Variants in KCNH5 observed in about 807,000 individuals in gnomAD.
KCNH5 encodes potassium voltage-gated channel subfamily H member 5.
KCNH5 carries 46 observed loss-of-function variants against 96.1 expected under a neutral mutation model. That is an observed-to-expected ratio of 0.48 (90% CI 0.38 to 0.61). The LOEUF is 0.61. Ranked by LOEUF, KCNH5 falls within the 20% of genes least tolerant of loss-of-function variation. The pLI, the probability that KCNH5 is intolerant of heterozygous loss-of-function variation, is 0.00. For missense variants in KCNH5, 907 were observed against 1,225.8 expected, an observed-to-expected ratio of 0.74 and a Z score of 3.88; for synonymous variants, 439 against 449.8, an observed-to-expected ratio of 0.98 and a Z score of 0.30.
At chr14:62,827,024 G>T (rs1355502196) in intron 8 of KCNH5, among the ~76,000 whole-genome samples, 1 of 151,922 alleles carries the variant, frequency 6.6e-6, no homozygotes, top group Non-Finnish European at 1.5e-5. Flanking sequence ...TAACTTACAA[G>T]GTGCCCACAC....
chr14:62,843,892 G>A (rs545185057), intron 8 of KCNH5, among the ~76,000 whole-genome samples: 29 of 151,830 alleles, frequency 1.9e-4, no homozygotes, highest in Middle Eastern at 3.4e-3. Context: ...CTAGTAATAC[G>A]ATGAAATATT....
chr14:62,804,932 G>T (rs1283801080), intron 8 of KCNH5, among the ~76,000 whole-genome samples: 1 of 152,114 alleles, frequency 6.6e-6, no homozygotes, highest in Non-Finnish European at 1.5e-5. Context: ...TTTCCACTCT[G>T]TCTGCAGTCT....
intron 8 of KCNH5, among the ~76,000 whole-genome samples, chr14:62,825,698 T>C (rs1163878764): frequency 6.6e-6 from 1 of 152,136 alleles, no homozygotes; most frequent in Non-Finnish European, 1.5e-5. Context: ...TATTTCCAGA[T>C]GGAAAGGTTT....
chr14:62,856,160 C>A (rs1449656876), intron 7 of KCNH5, among the ~76,000 whole-genome samples: 2 of 152,088 alleles, frequency 1.3e-5, no homozygotes, highest in Non-Finnish European at 2.9e-5. Flanking sequence ...TTAACTGTAA[C>A]CTGGCCTTCA....
chr14:63,036,476 G>C (rs775713086), intron 1 of KCNH5, among the ~76,000 whole-genome samples: 2 of 149,468 alleles, frequency 1.3e-5, no homozygotes, highest in Non-Finnish European at 3.0e-5. Context: ...AAATACTAAA[G>C]ACACTTTGAA....
intron 9 of KCNH5, among the ~76,000 whole-genome samples, chr14:62,780,216 C>T (rs970793385): frequency 2.6e-5 from 4 of 152,190 alleles, no homozygotes; most frequent in African/African-American, 9.7e-5. Flanking sequence ...GCCACCTTAA[C>T]TTTTCCTATT....
At chr14:62,879,710 G>C (rs1404193412) in intron 7 of KCNH5, among the ~76,000 whole-genome samples, 1 of 152,106 alleles carries the variant, frequency 6.6e-6, no homozygotes, top group South Asian at 2.1e-4. Flanking sequence ...AAAATTCACT[G>C]TACCATTGCC....
chr14:62,927,869 T>C (rs557145151), intron 7 of KCNH5, among the ~76,000 whole-genome samples: 1 of 152,206 alleles, frequency 6.6e-6, no homozygotes, highest in African/African-American at 2.4e-5. Flanking sequence ...ATTGTTAAGA[T>C]AGTAAAATTT....
chr14:62,785,650 A>G (rs8014674), intron 9 of KCNH5, among the ~76,000 whole-genome samples: 77,131 of 152,016 alleles, frequency 0.51, 20,225 homozygotes, highest in South Asian at 0.79. Flanking sequence ...GAAGTATTTC[A>G]CTGTTAAACT....
intron 1 of KCNH5, 101 bp downstream of exon 1, chr14:63,045,013 G>C: frequency 1.0e-6 from 1 of 964,042 alleles, no homozygotes; most frequent in South Asian, 1.3e-5. Flanking sequence ...AAGGCTGCCT[G>C]CATCCTCCTC....
intron 8 of KCNH5, among the ~76,000 whole-genome samples, chr14:62,805,868 A>G (rs1886756703): frequency 6.6e-6 from 1 of 152,138 alleles, no homozygotes; most frequent in Non-Finnish European, 1.5e-5. Flanking sequence ...TTCTTGTAAG[A>G]GCTATGGTGT....
chr14:62,936,350 TAGAG>T (rs370562868), intron 7 of KCNH5, among the ~76,000 whole-genome samples: 1 of 150,712 alleles, frequency 6.6e-6, no homozygotes, highest in African/African-American at 2.4e-5. Context: ...AAAGAGCCAG[TAGAG>T]AGAGAGAGAG....
intron 10 of KCNH5, chr14:62,712,283 T>C (rs780599042): frequency 3.9e-5 from 7 of 179,666 alleles, no homozygotes; most frequent in Non-Finnish European, 7.0e-5. Context: ...ATTTTACTTT[T>C]GACTATGGAA....
At chr14:63,002,943 G>A (rs1373323167) in intron 3 of KCNH5, among the ~76,000 whole-genome samples, 1 of 152,104 alleles carries the variant, frequency 6.6e-6, no homozygotes, top group Non-Finnish European at 1.5e-5. Flanking sequence ...TGTGAGTGAT[G>A]TGCACGGTTT....
rs72728801 is a variant in KCNH5, at chr14:62,987,558, T to C, written c.434-371A>G. On this transcript the variant is annotated intron_variant, in intron 4 of 10. Coordinates refer to ENST00000322893, the MANE Select transcript of KCNH5 (RefSeq NM_139318.5). ...ATTTCTTGCATCTCAGTATGGCCTA[T>C]GTCCCTGGTTCTCACCAATGGAATG... 7.6e-3 allele frequency among the ~76,000 whole-genome samples: 1,159 copies of C among 152,320 alleles called. 5 individuals carry two copies. The highest frequency in any genetic ancestry group is 0.018 in the South Asian group (88 of 4,834).
At chr14:62,957,462 A>C (rs1297231787) in intron 6 of KCNH5, among the ~76,000 whole-genome samples, 2 of 152,148 alleles carry the variant, frequency 1.3e-5, no homozygotes, top group African/African-American at 4.8e-5. Context: ...CTCACAATAC[A>C]ATGTTCTGGT....
chr14:62,752,790 T>C (rs562662588), intron 10 of KCNH5, among the ~76,000 whole-genome samples: 1 of 152,222 alleles, frequency 6.6e-6, no homozygotes, highest in African/African-American at 2.4e-5. Context: ...TGTCTGGCAG[T>C]TCCCCCTCCC....
At chr14:62,947,235 G>A (rs1015325771) in intron 7 of KCNH5, among the ~76,000 whole-genome samples, 1 of 152,140 alleles carries the variant, frequency 6.6e-6, no homozygotes, top group African/African-American at 2.4e-5. Context: ...AAGGCAAAAT[G>A]TATAAATATT....
intron 8 of KCNH5, among the ~76,000 whole-genome samples, chr14:62,824,357 A>G (rs1887176772): frequency 6.6e-6 from 1 of 152,066 alleles, no homozygotes. Flanking sequence ...TAAGCAGTTT[A>G]TGGAAATCTT....
Sources: allele counts gnomAD v4.1 joint callset (sites outside exome capture counted in the v4.1 genomes callset), GRCh38; gene constraint gnomAD v4.1.1; transcripts MANE v1.5; gene names NCBI Gene and HGNC (gene_info 2026-07-23, HGNC 2026-07-21).